The following NOX3 variants were observed in gnomAD, a reference collection of about 807,000 sequenced individuals.
The protein encoded by NOX3 is NADPH oxidase catalytic subunit-like 3.
In NOX3, 74 loss-of-function variants were observed where a neutral mutation model predicts 76.7. The observed-to-expected ratio is 0.96, with a 90% CI of 0.80 to 1.17. The LOEUF is 1.17. Ranked by LOEUF, NOX3 falls within the 50% of genes most tolerant of loss-of-function variation. The pLI, the probability that NOX3 is intolerant of heterozygous loss-of-function variation, is 0.00. For missense variants in NOX3, 695 were observed against 703.3 expected, an observed-to-expected ratio of 0.99 and a Z score of 0.13; for synonymous variants, 263 against 261.1, an observed-to-expected ratio of 1.01 and a Z score of -0.07.
chr6:155,445,980 GCTATATATAT>G (rs1777059194), intron 4 of NOX3, among the ~76,000 whole-genome samples: 2 of 57,112 alleles, frequency 3.5e-5, no homozygotes, highest in South Asian at 8.5e-4. Context: ...ATATATATAT[GCTATATATAT>G]ATATATAATA....
chr6:155,398,183 G>A (rs940619827), intron 12 of NOX3, among the ~76,000 whole-genome samples: 1 of 151,988 alleles, frequency 6.6e-6, no homozygotes, highest in Non-Finnish European at 1.5e-5. Flanking sequence ...GCTTTACTGT[G>A]CATAAAATCA....
chr6:155,424,021 G>A (rs574370269), intron 9 of NOX3, among the ~76,000 whole-genome samples: 100 of 152,240 alleles, frequency 6.6e-4, no homozygotes, highest in Non-Finnish European at 1.1e-3. Context: ...GATTACAGGC[G>A]TGAGCCACTG....
At chr6:155,450,672 C>A (rs1777122149) in intron 4 of NOX3, among the ~76,000 whole-genome samples, 1 of 152,188 alleles carries the variant, frequency 6.6e-6, no homozygotes, top group Admixed American at 6.5e-5. Flanking sequence ...GGCCATATCT[C>A]ACCCATTTAG....
chr6:155,447,663 AT>A (rs1777081225), intron 4 of NOX3, among the ~76,000 whole-genome samples: 1 of 152,172 alleles, frequency 6.6e-6, no homozygotes. Context: ...CGCTACCTCC[AT>A]TTTGTTTTCT....
chr6:155,408,388 C>G (rs2114678838), intron 11 of NOX3, among the ~76,000 whole-genome samples: 1 of 152,286 alleles, frequency 6.6e-6, no homozygotes, highest in East Asian at 1.9e-4. Context: ...GTGCTCATCC[C>G]TTAGACCCCT....
At chr6:155,424,495 C>T (rs573894531) in intron 9 of NOX3, among the ~76,000 whole-genome samples, 4 of 152,230 alleles carry the variant, frequency 2.6e-5, no homozygotes, top group African/African-American at 4.8e-5. Context: ...CTGAGTTATT[C>T]ATAACCATTC....
At chr6:155,452,248 A>T (rs765856968) in intron 4 of NOX3, among the ~76,000 whole-genome samples, 2 of 152,176 alleles carry the variant, frequency 1.3e-5, no homozygotes, top group Non-Finnish European at 1.5e-5. Flanking sequence ...AAAGATTTCC[A>T]TTCCTGAGCC....
At chr6:155,453,781 AGGT>A (rs1582951125) in intron 3 of NOX3, among the ~76,000 whole-genome samples, 2 of 152,210 alleles carry the variant, frequency 1.3e-5, no homozygotes, top group Non-Finnish European at 2.9e-5. Flanking sequence ...TAAAAATTTA[AGGT>A]AATAGCCATC....
chr6:155,420,455 GGTCCAAATATCCCAGTCACT>G, intron 10 of NOX3, among the ~76,000 whole-genome samples: 1 of 152,276 alleles, frequency 6.6e-6, no homozygotes, highest in South Asian at 2.1e-4. Flanking sequence ...ATTGCTGTGA[GGTCCAAATATCCCAGTCACT>G]GTTTTGCTTG....
chr6:155,407,812 A>C (rs1306515748), intron 11 of NOX3, among the ~76,000 whole-genome samples: 3 of 152,044 alleles, frequency 2.0e-5, no homozygotes, highest in Non-Finnish European at 4.4e-5. Flanking sequence ...GCAGGCGGAA[A>C]ATGGTGGCCA....
intron 9 of NOX3, 139 bp downstream of exon 9, chr6:155,428,655 C>T (rs1776790044): frequency 5.1e-6 from 3 of 591,568 alleles, no homozygotes; most frequent in Non-Finnish European, 7.4e-6. Context: ...ATACTTTTTA[C>T]ACACATTCTC....
chr6:155,450,361 G>T (rs938741978), intron 4 of NOX3, among the ~76,000 whole-genome samples: 1 of 152,222 alleles, frequency 6.6e-6, no homozygotes, highest in African/African-American at 2.4e-5. Context: ...ACTCTGTTCA[G>T]TCCACCCCAG....
Position 155,436,457 on chromosome 6 carries a change from G to A in NOX3, c.759C>T (p.Ala253=), listed in dbSNP as rs770164038. ...RDRYAEWQTV[A]QCPVPQFSGK... is the part of the protein sequence containing the mutation. ...CAGAAAATTGAGGCACGGGGCATTGGGCCACTGTCTGCCATTCTGCATAGC... is the reference window on the plus strand; with the variant it reads ...CAGAAAATTGAGGCACGGGGCATTGAGCCACTGTCTGCCATTCTGCATAGC... The change falls in exon 7 of 14, where the codon GCC becomes GCT. Residue 253 remains alanine, a synonymous_variant. Transcript: ENST00000159060. 1.2e-6 allele frequency: 2 copies of A among 1,614,094 alleles called. No individual in the cohort carries two copies. Among genetic ancestry groups the A allele is most frequent in the Admixed American group, 1.7e-5 (1 of 60,020 alleles).
chr6:155,424,634 C>T (rs1184270308), intron 9 of NOX3, among the ~76,000 whole-genome samples: 4 of 152,064 alleles, frequency 2.6e-5, no homozygotes, highest in Non-Finnish European at 4.4e-5. Context: ...CAAATGAACT[C>T]TCCTCAAGTT....
At chr6:155,436,272 G>C in intron 7 of NOX3, 146 bp downstream of exon 7, 1 of 898,730 alleles carries the variant, frequency 1.1e-6, no homozygotes, top group Non-Finnish European at 1.7e-6. Flanking sequence ...AAAATTATCT[G>C]TAACTTGATT....
At chr6:155,416,744 CTTTTTTTT>C (rs534711414) in intron 10 of NOX3, among the ~76,000 whole-genome samples, 2,962 of 92,578 alleles carry the variant, frequency 0.032, 83 homozygotes, top group African/African-American at 0.082. Flanking sequence ...CTGAAACATT[CTTTTTTTT>C]TTTTTTTTTT....
intron 4 of NOX3, among the ~76,000 whole-genome samples, chr6:155,451,476 T>C (rs1422795421): frequency 2.6e-5 from 4 of 152,246 alleles, no homozygotes; most frequent in Admixed American, 6.5e-5. Flanking sequence ...TTTCAGGGTA[T>C]CTTTAACACG....
chr6:155,413,977 A>T (rs531087991), intron 10 of NOX3, among the ~76,000 whole-genome samples: 1 of 152,350 alleles, frequency 6.6e-6, no homozygotes, highest in East Asian at 1.9e-4. Context: ...ATCTTTTCAA[A>T]TAGAAATCCT....
intron 12 of NOX3, among the ~76,000 whole-genome samples, chr6:155,403,181 A>G (rs1294943159): frequency 1.3e-5 from 2 of 152,230 alleles, no homozygotes; most frequent in Non-Finnish European, 2.9e-5. Flanking sequence ...TTTTATTGGC[A>G]TTCTCTTTCC....
Sources: allele counts gnomAD v4.1 joint callset (sites outside exome capture counted in the v4.1 genomes callset), GRCh38; gene constraint gnomAD v4.1.1; transcripts MANE v1.5; gene names NCBI Gene and HGNC (gene_info 2026-07-23, HGNC 2026-07-21).